The following MAPT variants were observed in gnomAD, a reference collection of about 807,000 sequenced individuals.
MAPT encodes microtubule associated protein tau.
Under a neutral mutation model 67.9 loss-of-function variants are expected in MAPT, and 34 were observed. That is an observed-to-expected ratio of 0.50 (90% CI 0.38 to 0.67). MAPT has a LOEUF of 0.67. Among genes scored for constraint, MAPT ranks in the 30% least tolerant of loss-of-function variants. The pLI is 0.00. For synonymous variants in MAPT, 456 were observed against 464.5 expected, an observed-to-expected ratio of 0.98 and a Z score of 0.23; for missense variants, 881 against 1,115.2, an observed-to-expected ratio of 0.79 and a Z score of 2.99.
At chr17:46,002,602 G>A (rs1336231277) in intron 9 of MAPT, among the ~76,000 whole-genome samples, 1 of 152,200 alleles carries the variant, frequency 6.6e-6, no homozygotes. Context: ...ATGTGAAGAC[G>A]TGAAGCAGCA....
At chr17:45,989,028 G>A (rs991449835) in intron 6 of MAPT, among the ~76,000 whole-genome samples, 1 of 152,066 alleles carries the variant, frequency 6.6e-6, no homozygotes, top group Non-Finnish European at 1.5e-5. Flanking sequence ...AAGTCAGGTA[G>A]AATCTTTCCA....
At chr17:45,930,087 A>C (rs1289890549) in intron 1 of MAPT, among the ~76,000 whole-genome samples, 1 of 152,150 alleles carries the variant, frequency 6.6e-6, no homozygotes, top group South Asian at 2.1e-4. Context: ...TCCCTATAGA[A>C]TATTTTATGT....
chr17:45,975,867 G>A (rs900530604), intron 3 of MAPT: 3 of 152,062 alleles, frequency 2.0e-5, no homozygotes, highest in East Asian at 3.9e-4. Context: ...TGTGAGCTGC[G>A]TCACACTCCC....
intron 1 of MAPT, among the ~76,000 whole-genome samples, chr17:45,910,482 C>T (rs184453985): frequency 1.3e-5 from 2 of 152,128 alleles, no homozygotes; most frequent in Non-Finnish European, 2.9e-5. Flanking sequence ...CTAGCTTTCC[C>T]ATTCACTGCT....
chr17:46,000,496 G>C (rs1409811282), intron 9 of MAPT, among the ~76,000 whole-genome samples: 2 of 152,194 alleles, frequency 1.3e-5, no homozygotes, highest in Non-Finnish European at 2.9e-5. Flanking sequence ...AGGCCCCGCC[G>C]ATCTTGTGGG....
In MAPT at chr17:45,968,218, A is replaced by C. The variant is rs544336170; in HGVS notation, c.134-3641A>C. On this transcript the variant is annotated intron_variant, in intron 2 of 12. Transcript: ENST00000262410. ...ACAAAACAAAAAACAACAAAAAAAA[A>C]CCCCACCATTCTGAGCATGTGACTT... Among the ~76,000 whole-genome samples the C allele has an allele frequency of 4.2e-3, 638 of 151,770 alleles. 8 individuals are homozygous for C. Among genetic ancestry groups the C allele is most frequent in the Non-Finnish European group, 3.0e-3 (205 of 67,910 alleles).
At position 45,915,624 on chromosome 17, in the gene MAPT, G is replaced by A. The variant is rs2065152600; in HGVS notation, c.-18+20938G>A. Among the ~76,000 whole-genome samples, 1 of 152,050 alleles carries A rather than the reference G, an allele frequency of 6.6e-6. No individual in the cohort carries two copies. The highest frequency in any genetic ancestry group is 2.4e-5 in the African/African-American group (1 of 41,374). The stretch of plus-strand genomic sequence containing the variant: ...TGTCTGTGAGCATGTGTGAGTGTGT[G>A]TGTGTTCAGCATATATAAGGCATGT... On this transcript the variant is annotated intron_variant, in intron 1 of 12. Transcript: ENST00000262410. This position sits in a 1 kb window ranked among gnomAD's most constrained non-coding sequence, Gnocchi z 4.4.
In MAPT at chr17:45,951,054, G is replaced by A. The variant is rs370146305; in HGVS notation, c.-17-11267G>A. Among the ~76,000 whole-genome samples, 3 of 152,234 alleles carry A rather than the reference G, an allele frequency of 2.0e-5. No individual in the cohort carries two copies. The East Asian group carries it at 5.8e-4, about 29-fold the overall frequency. On this transcript the variant is annotated intron_variant, in intron 1 of 12. Transcript: ENST00000262410. ...CTATCCCTCCCATTACCCAAGGAATGAAGCACGGAGCCGTGCCAAGATCTG... is the reference window on the plus strand; with the variant it reads ...CTATCCCTCCCATTACCCAAGGAATAAAGCACGGAGCCGTGCCAAGATCTG...
intron 1 of MAPT, chr17:45,898,698 T>C (rs62056791): frequency 0.14 from 21,841 of 152,260 alleles, 2,143 homozygotes; most frequent in Middle Eastern, 0.22. Context: ...TTGCCTTCTA[T>C]TGATGTATTT....
At chr17:45,992,693 A>G (rs183026952) in intron 8 of MAPT, among the ~76,000 whole-genome samples, 362 of 152,218 alleles carry the variant, frequency 2.4e-3, no homozygotes, top group Non-Finnish European at 3.7e-3. Context: ...GTTCGAGACC[A>G]GCTTGGCCAA....
chr17:45,915,017 A>G lies in MAPT; in HGVS notation c.-18+20331A>G, dbSNP rs1245912354. 2.0e-5 allele frequency among the ~76,000 whole-genome samples: 3 copies of G among 152,132 alleles called. No homozygotes were observed. Among genetic ancestry groups the G allele is most frequent in the Non-Finnish European group, 4.4e-5 (3 of 68,026 alleles). On this transcript the variant is annotated intron_variant, in intron 1 of 12. Coordinates refer to ENST00000262410, the MANE Select transcript of MAPT (RefSeq NM_001377265.1). This position sits in a 1 kb window ranked among gnomAD's most constrained non-coding sequence, Gnocchi z 4.4. ...AAACGTGAGTCACCCTGCCCAGCCA[A>G]TTGCTTTTTAAAAAAGATTAAATGC...
rs1046720367 is a variant in MAPT at position 46,001,469 on chromosome 17, A to T, written c.1998+4805A>T. Reference sequence around the variant, plus strand: ...CTAACTTAAAAAAAAAAATGAAGAAAACACAACCAGTAAAACAACATATAA... The same window carrying T: ...CTAACTTAAAAAAAAAAATGAAGAATACACAACCAGTAAAACAACATATAA... On this transcript the variant is annotated intron_variant, in intron 9 of 12. Coordinates refer to ENST00000262410, the MANE Select transcript of MAPT (RefSeq NM_001377265.1). 7.9e-5 allele frequency among the ~76,000 whole-genome samples: 12 copies of T among 152,222 alleles called. 1 individual carries two copies. Among genetic ancestry groups the T allele is most frequent in the Middle Eastern group, 3.2e-3 (1 of 316 alleles).
chr17:45,943,243 T>C (rs1188247672), intron 1 of MAPT, among the ~76,000 whole-genome samples: 2 of 152,168 alleles, frequency 1.3e-5, no homozygotes, highest in Non-Finnish European at 2.9e-5. Flanking sequence ...TTAGTAAAGA[T>C]GTTGTTTTGC....
chr17:46,027,474 A>G lies in MAPT; in HGVS notation c.*3303A>G, dbSNP rs2076858939. 1 of 152,386 alleles carries G rather than the reference A, an allele frequency of 6.6e-6. No individual in the cohort carries two copies. The highest frequency in any genetic ancestry group is 1.5e-5 in the Non-Finnish European group (1 of 68,088). 9.4% of individuals were successfully genotyped at this position (152,386 alleles called of 1,614,324 possible). ...TTCAAGCTGCTGACTCACTTTATCA[A>G]TAGTTCCATTTAAATTGACTTCAGT... On this transcript the variant is annotated 3_prime_UTR_variant, in exon 13 of 13. Coordinates refer to ENST00000262410, the MANE Select transcript of MAPT (RefSeq NM_001377265.1).
chr17:45,987,108 T>A lies in MAPT; in HGVS notation c.1407+13T>A. Reference sequence around the variant, plus strand: ...CAAAAAAGCCAAGGTAAGCTGACGATGCCACGGAGCTCTGCAGCTGGTCAA... The same window carrying A: ...CAAAAAAGCCAAGGTAAGCTGACGAAGCCACGGAGCTCTGCAGCTGGTCAA... On this transcript the variant is annotated intron_variant, in intron 6 of 12. Transcript: ENST00000262410. The A allele has an allele frequency of 6.2e-7, 1 of 1,613,828 alleles. No individual in the cohort carries two copies. The highest frequency in any genetic ancestry group is 8.5e-7 in the Non-Finnish European group (1 of 1,179,728).
At chr17:46,001,551 A>G (rs1420882295) in intron 9 of MAPT, among the ~76,000 whole-genome samples, 3 of 152,150 alleles carry the variant, frequency 2.0e-5, no homozygotes, top group African/African-American at 4.8e-5. Flanking sequence ...TAATCCCAAC[A>G]CTTTGGGAGG....
intron 1 of MAPT, among the ~76,000 whole-genome samples, chr17:45,952,902 A>G (rs1036928607): frequency 3.3e-5 from 5 of 152,156 alleles, no homozygotes; most frequent in African/African-American, 1.2e-4. Context: ...AAGGAAGGGC[A>G]GTGAGGGGCA....
chr17:45,983,216 C>T lies in MAPT; in HGVS notation c.637C>T (p.Arg213Ter), dbSNP rs146191766. The T allele has an allele frequency of 6.0e-5, 96 of 1,607,530 alleles. No homozygotes were observed. In the African/African-American group the frequency reaches 9.7e-4, roughly 16 times the overall value. ...TAAGGTGGTCCAGGAAGGCTTCCTC[C>T]GAGAGCCAGGCCCCCCAGGTCTGAG... Reference protein sequence around the residue: ...SGKVVQEGFLREPGPPGLSHQ... With the variant: ...SGKVVQEGFL The change falls in exon 5 of 13, where the codon CGA becomes TGA. Residue 213 changes from arginine to a stop codon, truncating the protein, a stop_gained. Coordinates refer to ENST00000262410, the MANE Select transcript of MAPT (RefSeq NM_001377265.1). LOFTEE classifies it high-confidence loss of function.
intron 1 of MAPT, among the ~76,000 whole-genome samples, chr17:45,907,465 G>T (rs767313175): frequency 6.6e-6 from 1 of 152,158 alleles, no homozygotes; most frequent in Non-Finnish European, 1.5e-5. Flanking sequence ...TCCTGTGAGG[G>T]CAAGGACTGT....
Sources: allele counts gnomAD v4.1 joint callset (sites outside exome capture counted in the v4.1 genomes callset), GRCh38; gene constraint gnomAD v4.1.1; non-coding constraint Gnocchi (gnomAD v3.1); transcripts MANE v1.5; gene names NCBI Gene and HGNC (gene_info 2026-07-23, HGNC 2026-07-21).